SHROOM4: variants seen among roughly 807,000 people sequenced by gnomAD.
SHROOM4 encodes the protein protein Shroom4.
Under a neutral mutation model 80.3 loss-of-function variants are expected in SHROOM4, and 17 were observed. The observed-to-expected ratio is 0.21, with a 90% CI of 0.14 to 0.32. SHROOM4 has a LOEUF of 0.32. Among genes scored for constraint, SHROOM4 ranks in the 10% least tolerant of loss-of-function variants. SHROOM4 has a pLI of 1.00. For missense variants in SHROOM4, 993 were observed against 1,140.3 expected (o/e 0.87, Z 1.86); for synonymous variants, 400 against 437.5 (o/e 0.91, Z 1.07).
At chrX:50,764,613 A>G (rs1935232868) in intron 1 of SHROOM4, among the ~76,000 whole-genome samples, 1 of 111,408 alleles carries the variant, frequency 9.0e-6, no homozygotes, top group South Asian at 3.8e-4. Flanking sequence ...ATTCATCTCA[A>G]TATACTGAAT....
At chrX:50,813,288 C>G (rs906062263) in intron 1 of SHROOM4, among the ~76,000 whole-genome samples, 5 of 111,750 alleles carry the variant, frequency 4.5e-5, no homozygotes, top group Non-Finnish European at 7.6e-5. Context: ...GGCGCTGGGG[C>G]AGGACTCTGG....
At chrX:50,707,437 T>A (rs1933704711) in intron 1 of SHROOM4, among the ~76,000 whole-genome samples, 1 of 112,279 alleles carries the variant, frequency 8.9e-6, no homozygotes, top group Non-Finnish European at 1.9e-5. Flanking sequence ...TTAAAAAGTT[T>A]AATATCTGTA....
In SHROOM4 at chrX:50,608,040, T is replaced by A. The variant is rs781947522; in HGVS notation, c.3102A>T (p.Ser1034=). Residue 1034 remains serine (S), a synonymous_variant, in exon 6 of 9, where the codon TCA becomes TCT. Transcript: ENST00000376020. ...LGDFKHALKK[S]EETSVYEEGS... Reference sequence around the variant, plus strand: ...CCTCCTCATAAACTGAAGTTTCCTCTGATTTTTTCAAAGCATGTTTGAAGT... The same window carrying A: ...CCTCCTCATAAACTGAAGTTTCCTCAGATTTTTTCAAAGCATGTTTGAAGT... 16 of 1,211,646 alleles carry A rather than the reference T, an allele frequency of 1.3e-5. No individual in the cohort carries two copies. Among genetic ancestry groups the A allele is most frequent in the Non-Finnish European group, 1.2e-5 (11 of 895,468 alleles).
chrX:50,737,284 T>C (rs1477058097), intron 1 of SHROOM4, among the ~76,000 whole-genome samples: 1 of 109,950 alleles, frequency 9.1e-6, no homozygotes, highest in Non-Finnish European at 1.9e-5. Context: ...CAAAAGGGGA[T>C]AGTAAAGGAG....
At chrX:50,719,650 A>C (rs782556226) in intron 1 of SHROOM4, among the ~76,000 whole-genome samples, 69 of 112,451 alleles carry the variant, frequency 6.1e-4, no homozygotes, top group South Asian at 6.0e-3. Flanking sequence ...CACATAAGGG[A>C]ACACTTACTA....
At chrX:50,770,172 C>T (rs1201630781) in intron 1 of SHROOM4, among the ~76,000 whole-genome samples, 1 of 111,063 alleles carries the variant, frequency 9.0e-6, no homozygotes, top group East Asian at 2.8e-4. Context: ...ACCCCCACTG[C>T]ACTCAATTGA....
downstream of SHROOM4, among the ~76,000 whole-genome samples, chrX:50,582,715 A>G (rs1171290777): frequency 7.1e-5 from 8 of 112,126 alleles, no homozygotes; most frequent in African/African-American, 2.6e-4. Flanking sequence ...TTTAATATGT[A>G]CATAAAGGTT....
chrX:50,727,057 T>C (rs782133368), intron 1 of SHROOM4, among the ~76,000 whole-genome samples: 1 of 113,295 alleles, frequency 8.8e-6, no homozygotes, highest in Non-Finnish European at 1.9e-5. Flanking sequence ...CCCTCCTGCA[T>C]CACTATGCCC....
chrX:50,752,026 A>AGGATTT (rs1190845929), intron 1 of SHROOM4, among the ~76,000 whole-genome samples: 5 of 112,310 alleles, frequency 4.5e-5, no homozygotes, highest in African/African-American at 1.6e-4. Flanking sequence ...CCATATCTGC[A>AGGATTT]TCTGATAATA....
At chrX:50,661,919 A>G (rs1171951904) in intron 2 of SHROOM4, among the ~76,000 whole-genome samples, 1 of 111,176 alleles carries the variant, frequency 9.0e-6, no homozygotes, top group Non-Finnish European at 1.9e-5. Context: ...CCCCTCAATA[A>G]AAGTTCATAG....
At chrX:50,620,073 T>C (rs12834851) in intron 5 of SHROOM4, among the ~76,000 whole-genome samples, 34,977 of 110,592 alleles carry the variant, frequency 0.32, 4,150 homozygotes, top group South Asian at 0.45. Context: ...GGGGATTTTT[T>C]ACAAAGCCCT....
At chrX:50,730,823 G>A (rs1433567955) in intron 1 of SHROOM4, among the ~76,000 whole-genome samples, 2 of 110,554 alleles carry the variant, frequency 1.8e-5, no homozygotes, top group African/African-American at 6.6e-5. Context: ...ATTTATTGTT[G>A]GGCCTATAAC....
At chrX:50,642,866 G>A (rs1435245701) in intron 2 of SHROOM4, among the ~76,000 whole-genome samples, 1 of 111,845 alleles carries the variant, frequency 8.9e-6, no homozygotes, top group African/African-American at 3.3e-5. Context: ...AATTGGGAAT[G>A]AAACTCAGAT....
intron 1 of SHROOM4, among the ~76,000 whole-genome samples, chrX:50,717,415 T>C (rs946768192): frequency 2.5e-4 from 28 of 111,764 alleles, no homozygotes; most frequent in African/African-American, 8.1e-4. Context: ...GACGGGGTTT[T>C]ACCATGTTGG....
chrX:50,604,985 G>A (rs957951429), intron 6 of SHROOM4, among the ~76,000 whole-genome samples: 2 of 112,219 alleles, frequency 1.8e-5, no homozygotes, highest in Non-Finnish European at 1.9e-5. Flanking sequence ...AAAGGTACTA[G>A]AGTTTAACTT....
chrX:50,784,397 A>C (rs1935694049), intron 1 of SHROOM4, among the ~76,000 whole-genome samples: 1 of 111,877 alleles, frequency 8.9e-6, no homozygotes, highest in South Asian at 3.7e-4. Flanking sequence ...TCCTGGCCTC[A>C]AGCAATCCTC....
chrX:50,580,484 T>C, the SHROOM4 span, among the ~76,000 whole-genome samples: 282 of 112,492 alleles, frequency 2.5e-3, 1 homozygote, highest in African/African-American at 8.7e-3. Context: ...AATTAATTTT[T>C]TGCTACCTTA....
intron 2 of SHROOM4, among the ~76,000 whole-genome samples, chrX:50,662,825 A>AT (rs1177585751): frequency 2.7e-5 from 3 of 110,684 alleles, no homozygotes; most frequent in African/African-American, 6.6e-5. Context: ...CGCTCCTTGG[A>AT]TTTTTTTTCA....
intron 1 of SHROOM4, among the ~76,000 whole-genome samples, chrX:50,762,072 CCTTT>C (rs1468528353): frequency 3.6e-5 from 4 of 111,860 alleles, no homozygotes; most frequent in Non-Finnish European, 7.5e-5. Context: ...CCTCCTTCTT[CCTTT>C]GTGTTTTTAT....
Sources: gnomAD v4.1 joint callset for allele counts (sites outside exome capture counted in the v4.1 genomes callset) on GRCh38, gnomAD v4.1.1 for gene constraint, MANE v1.5 for transcripts, NCBI Gene and HGNC (gene_info 2026-07-23, HGNC 2026-07-21) for gene names.